The following SMYD3 variants were observed in gnomAD, a reference collection of about 807,000 sequenced individuals.
SMYD3 encodes SET and MYND domain containing 3.
Under a neutral mutation model 57.7 loss-of-function variants are expected in SMYD3, and 36 were observed. That is an observed-to-expected ratio of 0.62 (90% confidence interval 0.48 to 0.82). The LOEUF (loss-of-function observed/expected upper bound fraction) is 0.82. Ranked by LOEUF, SMYD3 falls within the 40% of genes least tolerant of loss-of-function variation. The probability of loss-of-function intolerance (pLI) is 0.00; values close to 1 mark genes in which losing one functional copy is unlikely to be tolerated. For synonymous variants in SMYD3, 211 were observed against 195.0 expected (o/e 1.08, Z -0.68); for missense variants, 515 against 538.8 (o/e 0.96, Z 0.44).
chr1:245,939,605 G>A (rs563911049), intron 5 of SMYD3, among the ~76,000 whole-genome samples: 5 of 150,046 alleles, frequency 3.3e-5, no homozygotes, highest in East Asian at 3.9e-4. Flanking sequence ...CCAGCCTGGC[G>A]ACAGAGCAAG....
chr1:245,914,126 A>T (rs1420933924), intron 8 of SMYD3, among the ~76,000 whole-genome samples: 4 of 152,242 alleles, frequency 2.6e-5, no homozygotes, highest in African/African-American at 9.6e-5. Context: ...CTCTACAATG[A>T]GGCCACTGCC....
chr1:246,036,104 G>C (rs2059768506), intron 5 of SMYD3, among the ~76,000 whole-genome samples: 1 of 152,194 alleles, frequency 6.6e-6, no homozygotes, highest in African/African-American at 2.4e-5. Context: ...CAGTACCTGG[G>C]ACTTATACCA....
chr1:245,942,519 A>G (rs12036566), intron 5 of SMYD3, among the ~76,000 whole-genome samples: 12,334 of 152,250 alleles, frequency 0.081, 839 homozygotes, highest in East Asian at 0.24. Flanking sequence ...AGACTCCCAC[A>G]CAATAATGGG....
chr1:246,377,987 C>G lies in SMYD3; in HGVS notation c.165-22893G>C, dbSNP rs533680233. 4.6e-5 allele frequency among the ~76,000 whole-genome samples: 7 copies of G among 152,328 alleles called. No homozygotes were observed. In the South Asian group the frequency reaches 1.4e-3, roughly 32 times the overall value. On this transcript the variant is annotated intron_variant, in intron 1 of 11. Transcript: ENST00000490107. ...TGGGTGAAAATGTTATCTCAATGTG[C>G]TTTCCCTTGACAAATGGTCAGGGTT... is the stretch of plus-strand genomic sequence containing the variant.
At chr1:246,222,625 T>C (rs2063274751) in intron 5 of SMYD3, among the ~76,000 whole-genome samples, 1 of 152,112 alleles carries the variant, frequency 6.6e-6, no homozygotes, top group African/African-American at 2.4e-5. Context: ...AAATCCTCCT[T>C]GATAAGAAGA....
intron 1 of SMYD3, among the ~76,000 whole-genome samples, chr1:246,444,460 G>C (rs2067523118): frequency 6.6e-6 from 1 of 152,040 alleles, no homozygotes; most frequent in Non-Finnish European, 1.5e-5. Context: ...CCCTTTAGTG[G>C]GTGAACCAGA....
At chr1:245,830,695 G>C (rs182494352) in intron 10 of SMYD3, among the ~76,000 whole-genome samples, 1 of 152,166 alleles carries the variant, frequency 6.6e-6, no homozygotes, top group African/African-American at 2.4e-5. Context: ...AAAGCTTAGC[G>C]ATAACAGATT....
At chr1:245,775,698 G>T (rs1003820562) in intron 10 of SMYD3, among the ~76,000 whole-genome samples, 2 of 133,204 alleles carry the variant, frequency 1.5e-5, no homozygotes, top group Admixed American at 7.7e-5. Flanking sequence ...AAACACCCAA[G>T]AATGATCAAT....
chr1:246,128,277 A>T (rs1472189875), intron 5 of SMYD3, among the ~76,000 whole-genome samples: 4 of 152,160 alleles, frequency 2.6e-5, no homozygotes, highest in Non-Finnish European at 2.9e-5. Context: ...AGCTCTTACC[A>T]GTTTCTAGCA....
chr1:246,359,537 C>T (rs59886390), intron 1 of SMYD3, among the ~76,000 whole-genome samples: 23,696 of 152,080 alleles, frequency 0.16, 2,107 homozygotes, highest in East Asian at 0.3. Flanking sequence ...ACCAATATTC[C>T]TGATGACACA....
intron 8 of SMYD3, among the ~76,000 whole-genome samples, chr1:245,876,353 C>A (rs2052483811): frequency 6.6e-6 from 1 of 152,182 alleles, no homozygotes; most frequent in African/African-American, 2.4e-5. Context: ...CTCTTGGGGG[C>A]AGGCAGATAC....
chr1:246,407,840 A>AAAATAAAT (rs34670186), intron 1 of SMYD3, among the ~76,000 whole-genome samples: 1,846 of 147,078 alleles, frequency 0.013, 14 homozygotes, highest in Non-Finnish European at 0.018. Flanking sequence ...ACTCCGTCTC[A>AAAATAAAT]AAATAAATAA....
chr1:246,362,625 T>TG (rs2148716146), intron 1 of SMYD3, among the ~76,000 whole-genome samples: 1 of 152,248 alleles, frequency 6.6e-6, no homozygotes, highest in East Asian at 1.9e-4. Context: ...CACGCCTGAC[T>TG]GGTTTTCGTA....
chr1:246,352,630 C>T (rs59308440), intron 2 of SMYD3, among the ~76,000 whole-genome samples: 82,960 of 151,978 alleles, frequency 0.55, 23,494 homozygotes, highest in Middle Eastern at 0.71. Flanking sequence ...TTACCTTCCA[C>T]AGTATATCTG....
intron 7 of SMYD3, among the ~76,000 whole-genome samples, chr1:245,923,434 T>A (rs1014699650): frequency 1.5e-4 from 23 of 152,198 alleles, no homozygotes; most frequent in African/African-American, 5.5e-4. Flanking sequence ...AACCTTCAGC[T>A]AAACCAAGGT....
At chr1:246,407,799 G>A (rs1003748551) in intron 1 of SMYD3, among the ~76,000 whole-genome samples, 17 of 151,848 alleles carry the variant, frequency 1.1e-4, no homozygotes, top group South Asian at 6.2e-4. Flanking sequence ...CCGAGATCAC[G>A]CCACTGCACT....
At chr1:246,144,696 A>G (rs1222144527) in intron 5 of SMYD3, among the ~76,000 whole-genome samples, 1 of 152,208 alleles carries the variant, frequency 6.6e-6, no homozygotes, top group Non-Finnish European at 1.5e-5. Context: ...TTTTAATTGG[A>G]ATCATTTCAT....
At chr1:246,457,581 AAAAAG>A (rs1026261796) in intron 1 of SMYD3, among the ~76,000 whole-genome samples, 5 of 151,832 alleles carry the variant, frequency 3.3e-5, no homozygotes, top group African/African-American at 9.7e-5. Context: ...AAAGAAAAAG[AAAAAG>A]AAAAGAAGGT....
At chr1:245,835,122 CTTTT>C (rs11449373) in intron 10 of SMYD3, among the ~76,000 whole-genome samples, 3 of 134,060 alleles carry the variant, frequency 2.2e-5, no homozygotes, top group African/African-American at 5.6e-5. Context: ...GGCAGGTTTC[CTTTT>C]TTTTTTTTTT....
Sources: allele counts gnomAD v4.1 joint callset (sites outside exome capture counted in the v4.1 genomes callset), GRCh38; gene constraint gnomAD v4.1.1; transcripts MANE v1.5; gene names NCBI Gene and HGNC (gene_info 2026-07-23, HGNC 2026-07-21).